Variants in SLC19A1 observed in about 807,000 individuals in gnomAD.
SLC19A1 encodes the protein solute carrier family 19 member 1.
Under a neutral mutation model 35.3 loss-of-function variants are expected in SLC19A1, and 37 were observed. That is an observed-to-expected ratio of 1.05 (90% CI 0.81 to 1.38). The LOEUF (loss-of-function observed/expected upper bound fraction) is 1.38, where lower values mean the gene tolerates loss of function less well. Among genes scored for constraint, SLC19A1 ranks in the 40% most tolerant of loss-of-function variants. SLC19A1 has a pLI of 0.00. For missense variants in SLC19A1, 831 were observed against 826.9 expected (o/e 1.00, Z -0.06); for synonymous variants, 460 against 398.5 (o/e 1.15, Z -1.84).
chr21:45,537,568 ACG>A (rs2078159807), intron 2 of SLC19A1, among the ~76,000 whole-genome samples: 1 of 55,128 alleles, frequency 1.8e-5, no homozygotes. Context: ...CCCGGCACCC[ACG>A]TGCCTATTCC....
Position 45,517,696 on chromosome 21 carries a change from G to A in SLC19A1, c.1294-1556C>T, listed in dbSNP as rs567979765. On this transcript the variant is annotated intron_variant, in intron 5 of 5. Transcript: ENST00000311124. This position sits in a 1 kb window ranked among gnomAD's most constrained non-coding sequence, Gnocchi z 4.4. ...TGGGGGGTGTCAGAGGAGGTCAAGC[G>A]GGAGTCCAGACTTTCACCTACCCAG... 1.9e-4 allele frequency among the ~76,000 whole-genome samples: 29 copies of A among 152,210 alleles called. 1 individual carries two copies. Among genetic ancestry groups the A allele is most frequent in the Middle Eastern group, 3.4e-3 (1 of 294 alleles).
chr21:45,505,468 C>A, intron 3 of SLC19A1: 1 of 1,115,440 alleles, frequency 9.0e-7, no homozygotes. Flanking sequence ...ACCTGCGTCC[C>A]GTGCCCTGGC....
intron 1 of SLC19A1, among the ~76,000 whole-genome samples, chr21:45,560,293 G>A (rs959803171): frequency 6.6e-6 from 1 of 152,162 alleles, no homozygotes; most frequent in African/African-American, 2.4e-5. Flanking sequence ...CAGCAGGAGC[G>A]GGACACTCCA....
intron 2 of SLC19A1, among the ~76,000 whole-genome samples, chr21:45,535,288 C>T (rs192445533): frequency 5.2e-4 from 79 of 152,350 alleles, no homozygotes; most frequent in African/African-American, 1.8e-3. Context: ...CCGGGGAAAG[C>T]GCTCTCAGCT....
chr21:45,514,772 C>T lies in SLC19A1; in HGVS notation c.*886G>A, dbSNP rs2037801029. The T allele has an allele frequency of 7.7e-6, 4 of 517,494 alleles. No individual in the cohort carries two copies. The highest frequency in any genetic ancestry group is 8.1e-5 in the Admixed American group (2 of 24,632). The allele number at this position is 517,494 out of a possible 1,614,324, so 32.1% of individuals were successfully genotyped here. On this transcript the variant is annotated 3_prime_UTR_variant, in exon 6 of 6. Coordinates refer to ENST00000311124, the MANE Select transcript of SLC19A1 (RefSeq NM_194255.4). ...AGTATTCACATCACATCAGATGGTC[C>T]CGCACCTGTGGGCAAGGCACTAGCG...
chr21:45,508,814 T>A (rs890612891), downstream of SLC19A1, among the ~76,000 whole-genome samples: 3 of 152,130 alleles, frequency 2.0e-5, no homozygotes, highest in African/African-American at 7.2e-5. Context: ...AGCCTGGCCC[T>A]GTGGAGCAGA....
In SLC19A1 at chr21:45,532,110, G is replaced by C; in HGVS notation, c.228C>G (p.Tyr76Ter). ...NEITPVLSYS[Y>*]LAVLVPVFLL... The stretch of plus-strand genomic sequence containing the variant: ...GGAACACGGGCACCAGCACGGCCAG[G>C]TAGGAGTACGACAGCACCGGCGTGA... The change falls in exon 3 of 6, where the codon TAC (tyrosine) becomes TAG (stop). Residue 76 changes from tyrosine to a stop codon, truncating the protein, a stop_gained. Coordinates refer to ENST00000311124, the MANE Select transcript of SLC19A1 (RefSeq NM_194255.4). LOFTEE classifies it high-confidence loss of function. 6.2e-7 allele frequency: 1 copy of C among 1,610,860 alleles called. No individual in the cohort carries two copies.
intron 1 of SLC19A1, among the ~76,000 whole-genome samples, chr21:45,538,440 C>A (rs1330615123): frequency 6.6e-6 from 1 of 152,350 alleles, no homozygotes; most frequent in East Asian, 1.9e-4. Context: ...AGCCCACGTG[C>A]CTGCTGCTGC....
rs994088968 is a variant in SLC19A1, at chr21:45,514,124, G to C, written c.*1534C>G. 3 of 152,618 alleles carry C rather than the reference G, an allele frequency of 2.0e-5. No homozygotes were observed. Among genetic ancestry groups the C allele is most frequent in the Non-Finnish European group, 4.4e-5 (3 of 68,356 alleles). The allele number at this position is 152,618 out of a possible 1,614,324, so 9.5% of individuals were successfully genotyped here. A position where few individuals can be genotyped will look rare whatever the true frequency, so the allele number is the denominator to read the frequency against. On this transcript the variant is annotated 3_prime_UTR_variant, in exon 6 of 6. Transcript: ENST00000311124. The stretch of plus-strand genomic sequence containing the variant: ...CGGAGGGAGCAGGCCCTCAGGTTGG[G>C]GAGGCGCTGGGAGGAGGATTCTGAT...
intron 4 of SLC19A1, among the ~76,000 whole-genome samples, chr21:45,527,940 TAA>T (rs35809128): frequency 0.018 from 2,478 of 135,574 alleles, 30 homozygotes; most frequent in African/African-American, 0.028. Flanking sequence ...GCAAAGTGCT[TAA>T]AAAAAAAAAA....
At chr21:45,520,750 G>A (rs1424722150) in intron 5 of SLC19A1, among the ~76,000 whole-genome samples, 2 of 152,208 alleles carry the variant, frequency 1.3e-5, no homozygotes, top group Non-Finnish European at 2.9e-5. Context: ...GCCGGGCATG[G>A]TGGCTCATGC....
Position 45,540,113 on chromosome 21 carries a change from TG to T in SLC19A1, c.-49-2106del, listed in dbSNP as rs1280158903. On this transcript the variant is annotated intron_variant, in intron 1 of 5. Transcript: ENST00000311124. The surrounding 1 kb of genome is among the most constrained non-coding windows in gnomAD (Gnocchi z 5.5). ...GCTGGGAAGATCAGTGCACAAAGGT[TG>T]GGCTCCATCACCAGGGACCCTGATG... 6.6e-6 allele frequency among the ~76,000 whole-genome samples: 1 copy of T among 152,112 alleles called. No homozygotes were observed. Among genetic ancestry groups the T allele is most frequent in the Admixed American group, 6.5e-5 (1 of 15,280 alleles).
chr21:45,530,968 G>A lies in SLC19A1; in HGVS notation c.953C>T (p.Ala318Val). The change falls in exon 4 of 6, where the codon GCC becomes GTC. Residue 318 changes from alanine (A) to valine (V), a missense_variant. By Grantham distance (64) the Ala-to-Val change is moderately conservative. Coordinates refer to ENST00000311124, the MANE Select transcript of SLC19A1 (RefSeq NM_194255.4). This position sits in a 1 kb window ranked among gnomAD's most constrained non-coding sequence, Gnocchi z 5.3. ...GAAGCCCGCGGCGAAGGACGTGATG[G>A]CGCCTGAGAGGGGAGGGATGGGGCG... ...AADAASTLLG[A>V]ITSFAAGFVK... The A allele has an allele frequency of 1.4e-6, 2 of 1,444,182 alleles. No homozygotes were observed. The highest frequency in any genetic ancestry group is 1.8e-6 in the Non-Finnish European group (2 of 1,101,504). 89.5% of individuals were successfully genotyped at this position (1,444,182 alleles called of 1,614,324 possible). A position where few individuals can be genotyped will look rare whatever the true frequency, so the allele number is the denominator to read the frequency against.
At chr21:45,524,076 G>A (rs1162671872) in intron 5 of SLC19A1, among the ~76,000 whole-genome samples, 3 of 151,734 alleles carry the variant, frequency 2.0e-5, no homozygotes, top group Non-Finnish European at 4.4e-5. Context: ...GTTCACCCCT[G>A]GGCTTCGGAG....
intron 5 of SLC19A1, among the ~76,000 whole-genome samples, chr21:45,522,212 G>A (rs1429444515): frequency 6.6e-6 from 1 of 152,176 alleles, no homozygotes; most frequent in Non-Finnish European, 1.5e-5. Context: ...ATAAAAAGAT[G>A]TTCAACATCA....
intron 4 of SLC19A1, among the ~76,000 whole-genome samples, chr21:45,529,845 T>C (rs1239561159): frequency 1.3e-5 from 2 of 149,558 alleles, no homozygotes; most frequent in African/African-American, 5.0e-5. Flanking sequence ...CTGTGTGGTG[T>C]GTGTCCATGT....
downstream of SLC19A1, chr21:45,511,062 A>G (rs1392664048): frequency 1.6e-6 from 1 of 641,970 alleles, no homozygotes; most frequent in African/African-American, 3.3e-5. Flanking sequence ...ACCCACACCC[A>G]TCCACACCCC....
chr21:45,547,743 G>T (rs1271132212), upstream of SLC19A1, among the ~76,000 whole-genome samples: 3 of 152,178 alleles, frequency 2.0e-5, no homozygotes, highest in Non-Finnish European at 2.9e-5. Flanking sequence ...AAATGTATGA[G>T]ACCAGGCTGT....
Position 45,534,606 on chromosome 21 carries a change from T to G in SLC19A1, c.190-2458A>C. The G allele has an allele frequency of 6.5e-7, 1 of 1,535,658 alleles. No homozygotes were observed. The highest frequency in any genetic ancestry group is 1.2e-5 in the South Asian group (1 of 84,070). ...GCTGGCTCTGCAGGCTGGGGCCTCA[T>G]CAGGCACCTCCTGGTCTTAGTTGAG... On this transcript the variant is annotated intron_variant, in intron 2 of 5. Coordinates refer to ENST00000311124, the MANE Select transcript of SLC19A1 (RefSeq NM_194255.4). This position sits in a 1 kb window ranked among gnomAD's most constrained non-coding sequence, Gnocchi z 4.2.
Sources: allele counts gnomAD v4.1 joint callset (sites outside exome capture counted in the v4.1 genomes callset), GRCh38; gene constraint gnomAD v4.1.1; non-coding constraint Gnocchi (gnomAD v3.1); transcripts MANE v1.5; gene names NCBI Gene and HGNC (gene_info 2026-07-23, HGNC 2026-07-21).